ALOX5AP: variants seen among roughly 807,000 people sequenced by gnomAD.
The protein encoded by ALOX5AP is arachidonate 5-lipoxygenase-activating protein.
In ALOX5AP, 9 loss-of-function variants were observed where a neutral mutation model predicts 18.5. That is an observed-to-expected ratio of 0.49 (90% CI 0.29 to 0.85). ALOX5AP has a LOEUF of 0.85. Ranked by LOEUF, ALOX5AP falls within the 40% of genes least tolerant of loss-of-function variation. The probability of loss-of-function intolerance (pLI) is 0.08; values close to 1 mark genes in which losing one functional copy is unlikely to be tolerated. For synonymous variants in ALOX5AP, 81 were observed against 78.6 expected (o/e 1.03, Z -0.16); for missense variants, 172 against 202.5 (o/e 0.85, Z 0.91).
At chr13:30,716,878 A>G (rs1044446043) in intron 1 of ALOX5AP, among the ~76,000 whole-genome samples, 2 of 152,380 alleles carry the variant, frequency 1.3e-5, no homozygotes, top group East Asian at 3.9e-4. Flanking sequence ...CACAGCACAG[A>G]GTCCAGGACA....
At chr13:30,713,869 C>T in intron 1 of ALOX5AP, 1 of 1,527,752 alleles carries the variant, frequency 6.5e-7, no homozygotes. Flanking sequence ...CGCACACGCG[C>T]ATGTGTGTGC....
chr13:30,723,860 G>A (rs900809028), intron 1 of ALOX5AP, among the ~76,000 whole-genome samples: 4 of 152,144 alleles, frequency 2.6e-5, no homozygotes, highest in Admixed American at 2.6e-4. Context: ...TCAGCCTCCC[G>A]AGTAGCTGGG....
rs776630925 is a variant in ALOX5AP at position 30,744,064 on chromosome 13, C to A, written c.75C>A (p.Phe25Leu). The change falls in exon 2 of 5, where the codon TTC (phenylalanine) becomes TTA (leucine). Residue 25 changes from phenylalanine to leucine, a missense_variant. Transcript: ENST00000380490. ...VTLISVVQNG[F>L]FAHKVEHESR... The stretch of plus-strand genomic sequence containing the variant: ...GCAAACCTTTTCCCTTGGCAGGATT[C>A]TTTGCCCATAAAGTGGAGCACGAAA... 1 of 1,613,942 alleles carries A rather than the reference C, an allele frequency of 6.2e-7. No individual in the cohort carries two copies.
At chr13:30,735,743 A>C (rs1951715980) in intron 1 of ALOX5AP, 68 bp downstream of exon 1, 1 of 1,569,768 alleles carries the variant, frequency 6.4e-7, no homozygotes, top group African/African-American at 1.4e-5. Flanking sequence ...TTTGGAAGTC[A>C]GGCTTAAACA....
chr13:30,748,050 G>T (rs1483967306), intron 2 of ALOX5AP, among the ~76,000 whole-genome samples: 1 of 152,200 alleles, frequency 6.6e-6, no homozygotes, highest in Non-Finnish European at 1.5e-5. Flanking sequence ...CTCCTGAGTA[G>T]CTGGGATTAC....
At chr13:30,755,287 C>T (rs937877552) in intron 3 of ALOX5AP, among the ~76,000 whole-genome samples, 1 of 152,186 alleles carries the variant, frequency 6.6e-6, no homozygotes, top group Non-Finnish European at 1.5e-5. Flanking sequence ...AAAGGTTAAA[C>T]ATTGTGCTGT....
At chr13:30,717,388 C>T (rs1951558300) in intron 1 of ALOX5AP, among the ~76,000 whole-genome samples, 2 of 152,286 alleles carry the variant, frequency 1.3e-5, no homozygotes, top group Non-Finnish European at 1.5e-5. Flanking sequence ...AGCTGGTGTC[C>T]TCCAATTTGA....
In ALOX5AP at chr13:30,719,406, C is replaced by T. The variant is rs565808054; in HGVS notation, c.116+5565C>T. Among the ~76,000 whole-genome samples the T allele has an allele frequency of 1.4e-4, 22 of 152,268 alleles. No individual in the cohort carries two copies. In the South Asian group the frequency reaches 4.1e-3, roughly 29 times the overall value. ...CATCTGAGGACCGGGATAATCATAC[C>T]GCTTCAAAGGGATGTCATAAAGATT... On this transcript the variant is annotated intron_variant, in intron 1 of 5. Coordinates refer to the ALOX5AP transcript ENST00000617770.
intron 4 of ALOX5AP, among the ~76,000 whole-genome samples, chr13:30,760,909 A>G (rs1052954924): frequency 1.4e-5 from 2 of 147,980 alleles, no homozygotes; most frequent in African/African-American, 2.5e-5. Context: ...TGGTTGGTAT[A>G]AAAAAAAAAT....
rs114910757 is a variant in ALOX5AP at position 30,759,070 on chromosome 13, C to T, written c.323+3045C>T. On this transcript the variant is annotated intron_variant, in intron 4 of 4. Coordinates refer to ENST00000380490, the MANE Select transcript of ALOX5AP (RefSeq NM_001629.4). ...CTGAACTCAAGCAATCTGCCATCCC[C>T]GGCCTCCCAAAGTACTGGGAGTATA... Among the ~76,000 whole-genome samples, 243 of 152,272 alleles carry T rather than the reference C, an allele frequency of 1.6e-3. 2 individuals carry two copies. Among genetic ancestry groups the T allele is most frequent in the South Asian group, 9.5e-3 (46 of 4,824 alleles).
exon 1 of ALOX5AP, chr13:30,713,653 T>G: frequency 9.1e-7 from 1 of 1,104,496 alleles, no homozygotes; most frequent in South Asian, 1.4e-5. Flanking sequence ...CTGTCACATC[T>G]GGACAATTCT....
chr13:30,733,158 CAA>C (rs34069656), upstream of ALOX5AP, among the ~76,000 whole-genome samples: 51 of 82,254 alleles, frequency 6.2e-4, no homozygotes, highest in African/African-American at 1.1e-3. Context: ...GACTCCGTCT[CAA>C]AAAAAAAAAA....
intron 4 of ALOX5AP, 25 bp from the exon 5 acceptor site, chr13:30,763,919 A>C: frequency 6.2e-7 from 1 of 1,607,558 alleles, no homozygotes; most frequent in East Asian, 2.2e-5. Context: ...CTGCATCTAC[A>C]GTTTTCTTTT....
At chr13:30,732,447 T>A (rs1476995426), upstream of ALOX5AP, among the ~76,000 whole-genome samples, 2 of 152,224 alleles carry the variant, frequency 1.3e-5, no homozygotes, top group African/African-American at 4.8e-5. Flanking sequence ...AATCTGGGGA[T>A]TATAACTATT....
chr13:30,723,249 A>G (rs548467622), intron 1 of ALOX5AP, among the ~76,000 whole-genome samples: 53 of 152,364 alleles, frequency 3.5e-4, no homozygotes, highest in African/African-American at 1.2e-3. Context: ...CAGAAAATAC[A>G]GAGAGACTAA....
intron 1 of ALOX5AP, among the ~76,000 whole-genome samples, chr13:30,717,934 G>A (rs912122939): frequency 3.3e-5 from 5 of 150,934 alleles, no homozygotes; most frequent in South Asian, 2.1e-4. Context: ...GGGGTAGGGG[G>A]AGTAGGTGAG....
rs202218709 is a variant in ALOX5AP, at chr13:30,763,947, C to A, written c.327C>A (p.Thr109=). Residue 109 remains threonine (T), a synonymous_variant, in exon 5 of 5, where the codon ACC becomes ACA. Coordinates refer to ENST00000380490, the MANE Select transcript of ALOX5AP (RefSeq NM_001629.4). ...TTTCTTTTTCCTTCTCTTCCAGCACCCCTGGCTACATATTTGGGAAACGCA... is the reference window on the plus strand; with the variant it reads ...TTTCTTTTTCCTTCTCTTCCAGCACACCTGGCTACATATTTGGGAAACGCA... ...VGYLGERTQS[T]PGYIFGKRII... 821 of 1,613,444 alleles carry A rather than the reference C, an allele frequency of 5.1e-4. 9 individuals are homozygous for A. In the South Asian group the frequency reaches 8.4e-3, roughly 17 times the overall value.
intron 1 of ALOX5AP, among the ~76,000 whole-genome samples, chr13:30,715,985 G>A (rs772525348): frequency 2.6e-5 from 4 of 152,170 alleles, no homozygotes; most frequent in African/African-American, 9.7e-5. Flanking sequence ...CATTGAGCCC[G>A]GGCTCCCCTC....
intron 2 of ALOX5AP, among the ~76,000 whole-genome samples, chr13:30,745,121 C>T (rs980776710): frequency 2.0e-5 from 3 of 152,182 alleles, no homozygotes; most frequent in Non-Finnish European, 2.9e-5. Flanking sequence ...TCAGGGGTAC[C>T]GTTGGTTTCC....
Sources: allele counts gnomAD v4.1 joint callset (sites outside exome capture counted in the v4.1 genomes callset), GRCh38; gene constraint gnomAD v4.1.1; transcripts MANE v1.5; gene names NCBI Gene and HGNC (gene_info 2026-07-23, HGNC 2026-07-21).